SLC4A4: variants seen among roughly 807,000 people sequenced by gnomAD.
SLC4A4 encodes solute carrier family 4 member 4.
SLC4A4 carries 27 observed loss-of-function variants against 111.5 expected under a neutral mutation model. The observed-to-expected ratio is 0.24, with a 90% CI of 0.18 to 0.33. The LOEUF (loss-of-function observed/expected upper bound fraction) is 0.33, where lower values mean the gene tolerates loss of function less well. Ranked by LOEUF, SLC4A4 falls within the 10% of genes least tolerant of loss-of-function variation. The probability of loss-of-function intolerance (pLI) is 1.00; values close to 1 mark genes in which losing one functional copy is unlikely to be tolerated. For synonymous variants in SLC4A4, 443 were observed against 463.4 expected, an observed-to-expected ratio of 0.96 and a Z score of 0.57; for missense variants, 909 against 1,315.5, an observed-to-expected ratio of 0.69 and a Z score of 4.78.
intron 13 of SLC4A4, among the ~76,000 whole-genome samples, chr4:71,470,332 G>A (rs1015393131): frequency 2.6e-5 from 4 of 152,002 alleles, no homozygotes; most frequent in Admixed American, 6.6e-5. Context: ...CTTTACCCCA[G>A]TATTAATAAT....
chr4:71,308,765 A>G lies in SLC4A4; in HGVS notation c.254-30605A>G, dbSNP rs868011588. On this transcript the variant is annotated intron_variant, in intron 3 of 25. Coordinates refer to ENST00000264485, the MANE Select transcript of SLC4A4 (RefSeq NM_001098484.3). ...TACACCACCAGGGCTCTGGGTTTCAAGCACAAAACTGGGCTGCTGTTTGGA... is the reference window on the plus strand; with the variant it reads ...TACACCACCAGGGCTCTGGGTTTCAGGCACAAAACTGGGCTGCTGTTTGGA... 2.6e-5 allele frequency among the ~76,000 whole-genome samples: 4 copies of G among 152,290 alleles called. No individual in the cohort carries two copies. In the Middle Eastern group the frequency reaches 0.01, roughly 388 times the overall value.
intron 3 of SLC4A4, among the ~76,000 whole-genome samples, chr4:71,272,093 CT>C (rs1478658810): frequency 6.6e-6 from 1 of 152,232 alleles, no homozygotes; most frequent in African/African-American, 2.4e-5. Context: ...CATAAATTAA[CT>C]AAATGCAAGT....
At chr4:71,394,393 G>GA (rs1053873854) in intron 6 of SLC4A4, among the ~76,000 whole-genome samples, 68 of 151,924 alleles carry the variant, frequency 4.5e-4, no homozygotes, top group African/African-American at 1.6e-3. Flanking sequence ...CAACAAACAT[G>GA]AAAAAAATGC....
intron 2 of SLC4A4, among the ~76,000 whole-genome samples, chr4:71,098,433 G>C (rs1039132046): frequency 1.3e-5 from 2 of 152,158 alleles, no homozygotes; most frequent in African/African-American, 4.8e-5. Flanking sequence ...CTGTAGACTT[G>C]TAGTGTAGTT....
intron 16 of SLC4A4, among the ~76,000 whole-genome samples, chr4:71,527,244 G>T (rs1486545991): frequency 6.6e-6 from 1 of 152,078 alleles, no homozygotes; most frequent in East Asian, 1.9e-4. Context: ...TATGTAGGAA[G>T]CTAATGTAGT....
chr4:71,332,569 C>T (rs962439191), intron 3 of SLC4A4, among the ~76,000 whole-genome samples: 1 of 151,932 alleles, frequency 6.6e-6, no homozygotes, highest in African/African-American at 2.4e-5. Flanking sequence ...CTCAGCCTCC[C>T]GAGTAGCTGG....
intron 3 of SLC4A4, among the ~76,000 whole-genome samples, chr4:71,277,832 CTA>C (rs887117756): frequency 2.0e-5 from 3 of 152,000 alleles, no homozygotes; most frequent in African/African-American, 7.2e-5. Context: ...ACAAATAAAA[CTA>C]TATAAATTTA....
chr4:71,471,696 G>T (rs931593655), intron 13 of SLC4A4, among the ~76,000 whole-genome samples: 2 of 151,806 alleles, frequency 1.3e-5, no homozygotes, highest in Non-Finnish European at 2.9e-5. Flanking sequence ...ATTTTAAAGG[G>T]ATCAGTATAA....
chr4:71,483,102 T>C (rs1729039014), intron 14 of SLC4A4, among the ~76,000 whole-genome samples: 1 of 151,706 alleles, frequency 6.6e-6, no homozygotes, highest in Admixed American at 6.6e-5. Flanking sequence ...TTTACTAACA[T>C]CTTCTTCCTT....
chr4:71,132,830 C>A (rs576676389), intron 2 of SLC4A4, among the ~76,000 whole-genome samples: 3 of 152,276 alleles, frequency 2.0e-5, no homozygotes, highest in African/African-American at 7.2e-5. Context: ...TAATCAAAGT[C>A]TCTGTTATCA....
intron 16 of SLC4A4, among the ~76,000 whole-genome samples, chr4:71,523,028 T>A (rs1733096064): frequency 6.6e-6 from 1 of 152,218 alleles, no homozygotes; most frequent in African/African-American, 2.4e-5. Context: ...ATTGCATGTG[T>A]TTAGGTTATA....
chr4:71,558,956 T>C (rs1736722171), intron 22 of SLC4A4, among the ~76,000 whole-genome samples: 1 of 151,930 alleles, frequency 6.6e-6, no homozygotes, highest in Non-Finnish European at 1.5e-5. Flanking sequence ...CTACAAATTT[T>C]GCTGAAACCA....
intron 3 of SLC4A4, among the ~76,000 whole-genome samples, chr4:71,310,290 C>G (rs1187245084): frequency 6.6e-6 from 1 of 152,006 alleles, no homozygotes; most frequent in Non-Finnish European, 1.5e-5. Flanking sequence ...ACCTCCCCAA[C>G]CTAGCAAGAC....
intron 3 of SLC4A4, chr4:71,300,299 G>T: frequency 4.6e-6 from 1 of 216,522 alleles, no homozygotes; most frequent in South Asian, 9.1e-5. Context: ...GGCTAATGAT[G>T]AGCAGCATGG....
intron 2 of SLC4A4, among the ~76,000 whole-genome samples, chr4:71,162,106 G>C (rs919615210): frequency 3.3e-5 from 5 of 152,186 alleles, no homozygotes; most frequent in African/African-American, 1.2e-4. Context: ...GCTCACCCCA[G>C]TTGAAGATAG....
chr4:71,498,215 G>A (rs573586446), intron 16 of SLC4A4, among the ~76,000 whole-genome samples: 5 of 152,208 alleles, frequency 3.3e-5, no homozygotes, highest in African/African-American at 9.6e-5. Flanking sequence ...GATGAATGCC[G>A]TAGTACAGAG....
At chr4:71,223,864 G>A (rs1256210749) in intron 1 of SLC4A4, among the ~76,000 whole-genome samples, 2 of 151,884 alleles carry the variant, frequency 1.3e-5, no homozygotes, top group African/African-American at 2.4e-5. Context: ...GTTCCCTTCC[G>A]AACTCAGATT....
intron 2 of SLC4A4, among the ~76,000 whole-genome samples, chr4:71,100,376 T>C (rs1035474454): frequency 1.2e-4 from 18 of 150,944 alleles, no homozygotes; most frequent in African/African-American, 1.7e-4. Flanking sequence ...TCTCAATAGA[T>C]GCAGAAAAGG....
intron 1 of SLC4A4, among the ~76,000 whole-genome samples, chr4:71,085,903 A>G (rs1160796598): frequency 1.3e-5 from 2 of 152,004 alleles, no homozygotes; most frequent in Non-Finnish European, 2.9e-5. Flanking sequence ...TTTTGGTTCC[A>G]TATGAACTTT....
Sources: gnomAD v4.1 joint callset for allele counts (sites outside exome capture counted in the v4.1 genomes callset) on GRCh38, gnomAD v4.1.1 for gene constraint, MANE v1.5 for transcripts, NCBI Gene and HGNC (gene_info 2026-07-23, HGNC 2026-07-21) for gene names.